The following RIN2 variants were observed in gnomAD, a reference collection of about 807,000 sequenced individuals.
RIN2 encodes RAB5 interacting protein 2.
Under a neutral mutation model 78.0 loss-of-function variants are expected in RIN2, and 36 were observed. That is an observed-to-expected ratio of 0.46 (90% CI 0.35 to 0.61). The LOEUF is 0.61. RIN2 is among the 20% of genes least tolerant of loss of function. RIN2 has a pLI of 0.00. For synonymous variants in RIN2, 466 were observed against 466.8 expected (o/e 1.00, Z 0.02); for missense variants, 1,087 against 1,159.7 (o/e 0.94, Z 0.91).
At chr20:19,835,915 G>A (rs1022097981) in intron 2 of RIN2, among the ~76,000 whole-genome samples, 2 of 152,288 alleles carry the variant, frequency 1.3e-5, no homozygotes, top group East Asian at 1.9e-4. Flanking sequence ...CAGTCGATGA[G>A]GGAATCCAGG....
At chr20:19,911,713 T>G (rs1245913219) in intron 3 of RIN2, among the ~76,000 whole-genome samples, 1 of 141,166 alleles carries the variant, frequency 7.1e-6, no homozygotes, top group African/African-American at 2.8e-5. Flanking sequence ...GGCCTCCAAA[T>G]GGTCCTGTCT....
chr20:19,763,408 T>G (rs1417288151), intron 1 of RIN2, among the ~76,000 whole-genome samples: 1 of 151,840 alleles, frequency 6.6e-6, no homozygotes, highest in Non-Finnish European at 1.5e-5. Flanking sequence ...AATAAATAAA[T>G]AAGATATATA....
intron 9 of RIN2, among the ~76,000 whole-genome samples, chr20:19,978,068 G>A (rs2042336106): frequency 6.6e-6 from 1 of 152,022 alleles, no homozygotes; most frequent in Non-Finnish European, 1.5e-5. Flanking sequence ...CCCCATAGAG[G>A]TGCACTTTAT....
At chr20:19,905,398 C>T (rs2039175725) in intron 3 of RIN2, among the ~76,000 whole-genome samples, 2 of 152,190 alleles carry the variant, frequency 1.3e-5, no homozygotes, top group South Asian at 4.1e-4. Context: ...CGATGACACT[C>T]AGGCCACATC....
chr20:19,897,640 C>T (rs1226091918), intron 3 of RIN2, among the ~76,000 whole-genome samples: 1 of 152,110 alleles, frequency 6.6e-6, no homozygotes, highest in Non-Finnish European at 1.5e-5. Context: ...CCCCCTTTTC[C>T]AGCTCCCTCT....
At position 19,763,894 on chromosome 20, in the gene RIN2, G is replaced by A. The variant is rs546092859; in HGVS notation, c.-163+5567G>A. ...TAGTATCCAAATGAGAAACGGATTC[G>A]GGAGGTGTTCTAATTCCTACTATGA... On this transcript the variant is annotated intron_variant, in intron 1 of 12. Transcript: ENST00000255006. Among the ~76,000 whole-genome samples the A allele has an allele frequency of 1.4e-4, 22 of 152,194 alleles. No homozygotes were observed. The South Asian group carries it at 1.5e-3, about 10-fold the overall frequency.
At chr20:19,828,803 A>T (rs2036170898) in intron 2 of RIN2, among the ~76,000 whole-genome samples, 1 of 152,118 alleles carries the variant, frequency 6.6e-6, no homozygotes, top group Non-Finnish European at 1.5e-5. Flanking sequence ...TGCAGAGCTG[A>T]TCATTTCCTC....
chr20:19,921,750 G>A (rs114256350), intron 3 of RIN2, among the ~76,000 whole-genome samples: 132 of 152,298 alleles, frequency 8.7e-4, no homozygotes, highest in African/African-American at 3.0e-3. Context: ...CAAGAGAAAC[G>A]CATGGTGAAG....
At chr20:19,954,987 A>G (rs2041475823) in intron 4 of RIN2, among the ~76,000 whole-genome samples, 1 of 152,192 alleles carries the variant, frequency 6.6e-6, no homozygotes, top group Non-Finnish European at 1.5e-5. Flanking sequence ...CACCCTTTTA[A>G]TGTGCATGAT....
intron 11 of RIN2, among the ~76,000 whole-genome samples, chr20:19,994,835 A>G (rs1274039960): frequency 6.6e-6 from 1 of 152,208 alleles, no homozygotes; most frequent in African/African-American, 2.4e-5. Flanking sequence ...TCAACAATTC[A>G]AAACTCTTAA....
chr20:19,949,016 A>G (rs1439043997), intron 4 of RIN2, among the ~76,000 whole-genome samples: 3 of 151,454 alleles, frequency 2.0e-5, no homozygotes, highest in African/African-American at 7.3e-5. Context: ...ACCGTGGCTC[A>G]CGCCTGTAAT....
At chr20:19,819,373 A>T (rs1408617008) in intron 2 of RIN2, among the ~76,000 whole-genome samples, 1 of 152,162 alleles carries the variant, frequency 6.6e-6, no homozygotes, top group Non-Finnish European at 1.5e-5. Context: ...CACCCTCATG[A>T]CCTCATCTAA....
chr20:19,876,448 T>G (rs2037856943), intron 2 of RIN2, among the ~76,000 whole-genome samples: 1 of 152,142 alleles, frequency 6.6e-6, no homozygotes, highest in Non-Finnish European at 1.5e-5. Flanking sequence ...ACTAAGAGAA[T>G]AGGGCTTAAC....
chr20:19,780,587 C>T (rs2034468144), intron 1 of RIN2, among the ~76,000 whole-genome samples: 1 of 152,134 alleles, frequency 6.6e-6, no homozygotes, highest in Non-Finnish European at 1.5e-5. Context: ...AGTGGAAATG[C>T]CTAGTGCTCA....
intron 3 of RIN2, among the ~76,000 whole-genome samples, chr20:19,934,876 C>T (rs767248390): frequency 4.0e-5 from 6 of 151,572 alleles, no homozygotes; most frequent in Non-Finnish European, 7.4e-5. Flanking sequence ...ATTACAATAC[C>T]GAAACCTAAG....
chr20:19,837,583 A>T (rs1256166836), intron 2 of RIN2, among the ~76,000 whole-genome samples: 1 of 152,204 alleles, frequency 6.6e-6, no homozygotes, highest in Non-Finnish European at 1.5e-5. Flanking sequence ...TGCTGTATTT[A>T]AATTCATTAT....
At chr20:19,931,570 C>T (rs558988259) in intron 3 of RIN2, among the ~76,000 whole-genome samples, 7 of 152,232 alleles carry the variant, frequency 4.6e-5, no homozygotes, top group South Asian at 4.2e-4. Context: ...TTGGGGTGTA[C>T]AGGTGATATT....
intron 4 of RIN2, among the ~76,000 whole-genome samples, chr20:19,956,086 A>C (rs1030222697): frequency 1.3e-5 from 2 of 151,918 alleles, no homozygotes; most frequent in African/African-American, 2.4e-5. Flanking sequence ...GCGACACCCT[A>C]TCTCTATTAA....
chr20:19,961,216 C>T (rs1008861211), intron 6 of RIN2, among the ~76,000 whole-genome samples: 3 of 152,326 alleles, frequency 2.0e-5, no homozygotes, highest in South Asian at 4.1e-4. Flanking sequence ...TGTGTCTGCA[C>T]TTCTTCGTGA....
Sources: allele counts gnomAD v4.1 joint callset (sites outside exome capture counted in the v4.1 genomes callset), GRCh38; gene constraint gnomAD v4.1.1; transcripts MANE v1.5; gene names NCBI Gene and HGNC (gene_info 2026-07-23, HGNC 2026-07-21).